RNF121: variants seen among roughly 807,000 people sequenced by gnomAD.
RNF121 encodes ring finger protein 121.
Under a neutral mutation model 46.5 loss-of-function variants are expected in RNF121, and 21 were observed. The observed-to-expected ratio is 0.45, with a 90% CI of 0.32 to 0.65. The LOEUF (loss-of-function observed/expected upper bound fraction) is 0.65, where lower values mean the gene tolerates loss of function less well. RNF121 is among the 30% of genes least tolerant of loss of function. The pLI is 0.04. For synonymous variants in RNF121, 139 were observed against 144.7 expected (o/e 0.96, Z 0.28); for missense variants, 346 against 416.0 (o/e 0.83, Z 1.46).
At chr11:71,963,352 G>A (rs1237934146) in intron 3 of RNF121, among the ~76,000 whole-genome samples, 3 of 152,158 alleles carry the variant, frequency 2.0e-5, no homozygotes, top group African/African-American at 7.2e-5. Flanking sequence ...GCCCGGTGGG[G>A]TGGCTCAAGC....
At chr11:71,944,893 A>G (rs1298277938) in intron 1 of RNF121, among the ~76,000 whole-genome samples, 1 of 152,184 alleles carries the variant, frequency 6.6e-6, no homozygotes, top group Non-Finnish European at 1.5e-5. Context: ...CTTCAGTCCT[A>G]GCTGTATGCT....
At chr11:71,969,290 A>T (rs1354448730) in intron 3 of RNF121, among the ~76,000 whole-genome samples, 4 of 152,208 alleles carry the variant, frequency 2.6e-5, no homozygotes, top group Non-Finnish European at 5.9e-5. Context: ...ATATATTCAC[A>T]TAATGGAATA....
At position 71,997,502 on chromosome 11, in the gene RNF121, T is replaced by C. The variant is rs893822549; in HGVS notation, c.*1187T>C. On this transcript the variant is annotated 3_prime_UTR_variant, in exon 9 of 9. Transcript: ENST00000361756. ...GCATTGGGTTTCTAGGGAATATGGC[T>C]CAGTAGGGCCTGCCCCTTCAAGGGC... 3 of 152,212 alleles carry C rather than the reference T, an allele frequency of 2.0e-5. No homozygotes were observed. The highest frequency in any genetic ancestry group is 4.4e-5 in the Non-Finnish European group (3 of 68,052). The allele number at this position is 152,212 out of a possible 1,614,324, so 9.4% of individuals were successfully genotyped here.
At chr11:71,933,962 C>T (rs1002636069) in intron 1 of RNF121, among the ~76,000 whole-genome samples, 5 of 152,162 alleles carry the variant, frequency 3.3e-5, no homozygotes, top group Admixed American at 3.3e-4. Flanking sequence ...TGGATGAAAT[C>T]GTCTCTAGCT....
intron 7 of RNF121, chr11:71,995,231 G>A: frequency 1.7e-6 from 1 of 587,900 alleles, no homozygotes; most frequent in Non-Finnish European, 3.0e-6. Flanking sequence ...GCCTATGTTG[G>A]GAAAGCCATG....
At chr11:71,940,479 G>A (rs17161725) in intron 1 of RNF121, among the ~76,000 whole-genome samples, 2,612 of 152,230 alleles carry the variant, frequency 0.017, 80 homozygotes, top group African/African-American at 0.06. Flanking sequence ...GAACGCCCAA[G>A]GTCAATGTTG....
chr11:71,943,359 C>G (rs1953633790), intron 1 of RNF121, among the ~76,000 whole-genome samples: 1 of 152,216 alleles, frequency 6.6e-6, no homozygotes, highest in Non-Finnish European at 1.5e-5. Context: ...GAGCTTATAG[C>G]TCAGGGAGAG....
At chr11:71,934,549 T>C (rs1252134919) in intron 1 of RNF121, among the ~76,000 whole-genome samples, 1 of 152,240 alleles carries the variant, frequency 6.6e-6, no homozygotes, top group African/African-American at 2.4e-5. Context: ...TCTCTCCCTA[T>C]AGACATTTAG....
chr11:71,942,192 C>G (rs1196702422), intron 1 of RNF121, among the ~76,000 whole-genome samples: 1 of 151,918 alleles, frequency 6.6e-6, no homozygotes, highest in Non-Finnish European at 1.5e-5. Context: ...CTCGACCTCC[C>G]AAAGTGCTGG....
At chr11:71,962,787 A>C (rs1431411524) in intron 3 of RNF121, among the ~76,000 whole-genome samples, 1 of 152,232 alleles carries the variant, frequency 6.6e-6, no homozygotes, top group Non-Finnish European at 1.5e-5. Flanking sequence ...TGTTTTCCAC[A>C]GAAGCTGCAC....
chr11:71,961,475 A>G (rs186403194), intron 3 of RNF121, among the ~76,000 whole-genome samples: 1 of 152,202 alleles, frequency 6.6e-6, no homozygotes, highest in Admixed American at 6.5e-5. Flanking sequence ...AGGTGGGAAG[A>G]TTCCTTGAGC....
rs762455275 is a variant in RNF121 at position 71,995,500 on chromosome 11, C to T, written c.812C>T (p.Thr271Met). 7.9e-5 allele frequency: 126 copies of T among 1,595,782 alleles called. No homozygotes were observed. Among genetic ancestry groups the T allele is most frequent in the South Asian group, 1.5e-4 (13 of 88,430 alleles). ...TGGTGCATCGTGGGAAAGAAGCAAA[C>T]GTGTCCCTACTGCAAAGAGAAGGTA... ...RGWCIVGKKQ[T>M]CPYCKEKVDL... The change falls in exon 8 of 9, where the codon ACG becomes ATG. Residue 271 changes from threonine to methionine, a missense_variant. Around this residue, in one of 2 missense-constraint regions of RNF121, gnomAD observed 286 missense variants for 383.8 expected, o/e 0.75. Transcript: ENST00000361756.
chr11:71,951,639 A>T (rs914405285), intron 1 of RNF121, among the ~76,000 whole-genome samples: 4 of 123,536 alleles, frequency 3.2e-5, no homozygotes, highest in Non-Finnish European at 5.1e-5. Context: ...CCTGTCTCTT[A>T]AAAAAAAAAA....
chr11:71,932,702 G>A (rs1053835795), intron 1 of RNF121, among the ~76,000 whole-genome samples: 17 of 152,192 alleles, frequency 1.1e-4, no homozygotes, highest in African/African-American at 4.1e-4. Context: ...TTAAACCCAT[G>A]TTTCCAGATT....
chr11:71,988,704 C>T (rs556092292), intron 5 of RNF121, among the ~76,000 whole-genome samples: 4 of 151,878 alleles, frequency 2.6e-5, no homozygotes, highest in African/African-American at 9.7e-5. Context: ...CACCTGTATC[C>T]CCAGCTACTC....
chr11:71,996,411 C>T lies in RNF121; in HGVS notation c.*96C>T. 1 of 1,485,628 alleles carries T rather than the reference C, an allele frequency of 6.7e-7. No individual in the cohort carries two copies. The highest frequency in any genetic ancestry group is 9.1e-7 in the Non-Finnish European group (1 of 1,098,780). The allele number at this position is 1,485,628 out of a possible 1,614,324, so 92.0% of individuals were successfully genotyped here. ...AAAGACCTCCTGGGTGGGAAAGACT[C>T]AAAGGGGTGCTTGGGCCACTCAGGA... On this transcript the variant is annotated 3_prime_UTR_variant, in exon 9 of 9. Coordinates refer to ENST00000361756, the MANE Select transcript of RNF121 (RefSeq NM_018320.5).
chr11:71,933,060 A>T (rs558792004), intron 1 of RNF121, among the ~76,000 whole-genome samples: 41 of 152,320 alleles, frequency 2.7e-4, no homozygotes, highest in African/African-American at 9.9e-4. Context: ...GTAGGATAAG[A>T]TGTGGGTACC....
At chr11:71,959,366 T>G (rs1441235169) in intron 2 of RNF121, among the ~76,000 whole-genome samples, 1 of 152,206 alleles carries the variant, frequency 6.6e-6, no homozygotes, top group Non-Finnish European at 1.5e-5. Context: ...GTTCTACACT[T>G]TTTGTTATAT....
intron 1 of RNF121, among the ~76,000 whole-genome samples, chr11:71,929,707 A>T (rs1953220531): frequency 6.6e-6 from 1 of 152,236 alleles, no homozygotes; most frequent in Admixed American, 6.5e-5. Flanking sequence ...TGTATGCCGG[A>T]ATTCATGCAT....
Sources: allele counts gnomAD v4.1 joint callset (sites outside exome capture counted in the v4.1 genomes callset), GRCh38; gene constraint gnomAD v4.1.1; regional missense constraint gnomAD v4.1.1; transcripts MANE v1.5; gene names NCBI Gene and HGNC (gene_info 2026-07-23, HGNC 2026-07-21).